The following EXD2 variants were observed in gnomAD, a reference collection of about 807,000 sequenced individuals.
EXD2 encodes the protein exonuclease 3'-5' domain-containing protein 2.
In EXD2, 40 loss-of-function variants were observed where a neutral mutation model predicts 62.5. That is an observed-to-expected ratio of 0.64 (90% CI 0.50 to 0.83). EXD2 has a LOEUF of 0.83. EXD2 is among the 40% of genes least tolerant of loss of function. The pLI, the probability that EXD2 is intolerant of heterozygous loss-of-function variation, is 0.00. For synonymous variants in EXD2, 239 were observed against 291.9 expected, an observed-to-expected ratio of 0.82 and a Z score of 1.85; for missense variants, 671 against 761.8, an observed-to-expected ratio of 0.88 and a Z score of 1.40.
intron 3 of EXD2, among the ~76,000 whole-genome samples, chr14:69,225,967 C>G (rs1249611205): frequency 6.6e-6 from 1 of 152,132 alleles, no homozygotes; most frequent in African/African-American, 2.4e-5. Context: ...ATTTACCTAT[C>G]TGTCTATTTA....
In EXD2 at chr14:69,240,944, T is replaced by TGGC; in HGVS notation, c.1711_1713dup (p.Gly571dup). On this transcript the variant is annotated inframe_insertion, in exon 10 of 10. Transcript: ENST00000685843. The stretch of plus-strand genomic sequence containing the variant: ...AGGTGGTGCAGTGTCACAGCCAGGG[T>TGGC]GGCCTGCGCTCCCTCATGCAGCTGG... 1 of 1,613,624 alleles carries TGGC rather than the reference T, an allele frequency of 6.2e-7. No individual in the cohort carries two copies. Among genetic ancestry groups the TGGC allele is most frequent in the Non-Finnish European group, 8.5e-7 (1 of 1,180,012 alleles).
At chr14:69,213,721 T>C (rs1263473301) in intron 3 of EXD2, among the ~76,000 whole-genome samples, 1 of 150,392 alleles carries the variant, frequency 6.6e-6, no homozygotes, top group Non-Finnish European at 1.5e-5. Flanking sequence ...TGGAGTACAT[T>C]AGTGCAATCT....
At chr14:69,210,058 T>C (rs2042756908) in intron 3 of EXD2, 2 of 321,308 alleles carry the variant, frequency 6.2e-6, no homozygotes, top group Non-Finnish European at 1.2e-5. Context: ...TCCGTGAACT[T>C]GGACAAGCTA....
chr14:69,193,248 G>T (rs1227602925), intron 1 of EXD2, among the ~76,000 whole-genome samples: 1 of 151,966 alleles, frequency 6.6e-6, no homozygotes, highest in Non-Finnish European at 1.5e-5. Context: ...TAGTAGAGAC[G>T]GGGTTTCACC....
intron 9 of EXD2, among the ~76,000 whole-genome samples, chr14:69,240,215 G>A (rs1167841418): frequency 6.6e-6 from 1 of 152,094 alleles, no homozygotes; most frequent in Non-Finnish European, 1.5e-5. Flanking sequence ...TTTATTCACA[G>A]GAGGTGAAAG....
intron 1 of EXD2, among the ~76,000 whole-genome samples, chr14:69,199,918 C>T (rs578133107): frequency 2.6e-5 from 4 of 152,236 alleles, no homozygotes; most frequent in East Asian, 3.9e-4. Context: ...CGTTTATTGT[C>T]GTTATCAGGT....
chr14:69,233,920 C>T (rs968544676), intron 5 of EXD2, among the ~76,000 whole-genome samples: 11 of 152,060 alleles, frequency 7.2e-5, no homozygotes, highest in African/African-American at 2.4e-4. Context: ...GCGTCCACCA[C>T]CACACCCAGC....
At chr14:69,221,900 TG>T (rs1328645647) in intron 3 of EXD2, among the ~76,000 whole-genome samples, 1 of 121,144 alleles carries the variant, frequency 8.3e-6, no homozygotes, top group Admixed American at 9.9e-5. Context: ...GGTGAAACCC[TG>T]TCTCTACTAA....
chr14:69,236,265 G>A (rs531229529), intron 7 of EXD2, 113 bp downstream of exon 7: 1 of 1,506,992 alleles, frequency 6.6e-7, no homozygotes, highest in African/African-American at 1.4e-5. Flanking sequence ...GAGACCGTGA[G>A]ATGCATGGGA....
In EXD2 at chr14:69,228,983, A is replaced by T. The variant is rs575731687; in HGVS notation, c.501A>T (p.Gly167=). 1 of 1,614,196 alleles carries T rather than the reference A, an allele frequency of 6.2e-7. No homozygotes were observed. The highest frequency in any genetic ancestry group is 1.7e-5 in the Admixed American group (1 of 60,018). The change falls in exon 4 of 10, where the codon GGA becomes GGT. Residue 167 remains glycine (G), a synonymous_variant. Transcript: ENST00000685843. ...ADGTILKVGV[G]CSEDASKLLQ... Reference sequence around the variant, plus strand: ...GCACCATTTTGAAAGTTGGAGTGGGATGCTCAGAAGATGCCAGCAAGCTTC... The same window carrying T: ...GCACCATTTTGAAAGTTGGAGTGGGTTGCTCAGAAGATGCCAGCAAGCTTC...
At chr14:69,231,144 TG>T (rs1306098637) in intron 5 of EXD2, among the ~76,000 whole-genome samples, 1 of 152,128 alleles carries the variant, frequency 6.6e-6, no homozygotes, top group Non-Finnish European at 1.5e-5. Context: ...TGAATACAAA[TG>T]TATAATTTAA....
rs1357608624 is a variant in EXD2 at position 69,198,816 on chromosome 14, C to A, written c.-131-5101C>A. Reference sequence around the variant, plus strand: ...TACACACCTAGGCTGTATGGTATAGCTTATTACTCCTAGGCTATAGACCTA... The same window carrying A: ...TACACACCTAGGCTGTATGGTATAGATTATTACTCCTAGGCTATAGACCTA... On this transcript the variant is annotated intron_variant, in intron 1 of 9. Coordinates refer to ENST00000685843, the MANE Select transcript of EXD2 (RefSeq NM_001193360.2). Among the ~76,000 whole-genome samples the A allele has an allele frequency of 1.3e-5, 2 of 152,198 alleles. 1 individual carries two copies. Among genetic ancestry groups the A allele is most frequent in the South Asian group, 4.1e-4 (2 of 4,826 alleles).
chr14:69,228,955 A>G lies in EXD2; in HGVS notation c.473A>G (p.Asp158Gly). Residue 158 changes from aspartate to glycine, a missense_variant, in exon 4 of 10, where the codon GAT becomes GGT. Asp to Gly is a moderately conservative substitution (Grantham distance 94, BLOSUM62 -1). Transcript: ENST00000685843. The part of the protein sequence containing the change: ...LPRTLLDILA[D>G]GTILKVGVGC... Reference sequence around the variant, plus strand: ...AGAACGTTATTGGATATTTTGGCAGATGGCACCATTTTGAAAGTTGGAGTG... The same window carrying G: ...AGAACGTTATTGGATATTTTGGCAGGTGGCACCATTTTGAAAGTTGGAGTG... 6.2e-7 allele frequency: 1 copy of G among 1,614,188 alleles called. No individual in the cohort carries two copies. The highest frequency in any genetic ancestry group is 8.5e-7 in the Non-Finnish European group (1 of 1,180,032).
intron 2 of EXD2, among the ~76,000 whole-genome samples, 155 bp downstream of exon 2, chr14:69,204,155 G>T (rs2042503635): frequency 6.6e-6 from 1 of 152,196 alleles, no homozygotes; most frequent in African/African-American, 2.4e-5. Context: ...TGTCAAGTGG[G>T]ATTGCCTATC....
intron 1 of EXD2, among the ~76,000 whole-genome samples, chr14:69,197,078 G>A (rs971585097): frequency 1.3e-5 from 2 of 152,140 alleles, no homozygotes; most frequent in African/African-American, 4.8e-5. Flanking sequence ...TATTCAGTTA[G>A]CTGGACTTGT....
intron 1 of EXD2, chr14:69,191,833 G>T (rs1471725721): frequency 6.6e-6 from 1 of 152,354 alleles, no homozygotes; most frequent in Non-Finnish European, 1.5e-5. Flanking sequence ...TGCGCAAGGA[G>T]GGCCTCACCC....
rs2042498264 is a variant in EXD2, at chr14:69,203,984, C to T, written c.-64C>T. The T allele has an allele frequency of 6.6e-6, 1 of 152,182 alleles. No homozygotes were observed. The highest frequency in any genetic ancestry group is 2.4e-5 in the African/African-American group (1 of 41,452). The allele number at this position is 152,182 out of a possible 1,614,324, so 9.4% of individuals were successfully genotyped here. On this transcript the variant is annotated 5_prime_UTR_variant, in exon 2 of 10. Coordinates refer to ENST00000685843, the MANE Select transcript of EXD2 (RefSeq NM_001193360.2). ...GGCTTAGAGAAGTTTGGCAAATTGGCTAAGTTCCTACAGCTAGTGAGTAAC... is the reference window on the plus strand; with the variant it reads ...GGCTTAGAGAAGTTTGGCAAATTGGTTAAGTTCCTACAGCTAGTGAGTAAC...
In EXD2 at chr14:69,228,905, A is replaced by C; in HGVS notation, c.423A>C (p.Leu141=). 5 of 1,614,152 alleles carry C rather than the reference A, an allele frequency of 3.1e-6. No homozygotes were observed. In the Middle Eastern group the frequency reaches 8.2e-4, roughly 266 times the overall value. ...GLCVLVRLPK[L]ICGGKTLPRT... Reference sequence around the variant, plus strand: ...GTGTCTTGGTTCGCCTGCCCAAGCTAATCTGTGGAGGAAAAACACTACCAA... The same window carrying C: ...GTGTCTTGGTTCGCCTGCCCAAGCTCATCTGTGGAGGAAAAACACTACCAA... Residue 141 remains leucine (L), a synonymous_variant, in exon 4 of 10, where the codon CTA becomes CTC. Coordinates refer to ENST00000685843, the MANE Select transcript of EXD2 (RefSeq NM_001193360.2).
chr14:69,236,316 C>T (rs1194606492), intron 7 of EXD2, 91 bp from the exon 8 acceptor site: 1 of 1,597,630 alleles, frequency 6.3e-7, no homozygotes, highest in East Asian at 2.2e-5. Flanking sequence ...TCTGCCAGGC[C>T]ATAGCAGAGA....
Sources: allele counts gnomAD v4.1 joint callset (sites outside exome capture counted in the v4.1 genomes callset), GRCh38; gene constraint gnomAD v4.1.1; transcripts MANE v1.5; gene names NCBI Gene and HGNC (gene_info 2026-07-23, HGNC 2026-07-21).